SNX25: variants seen among roughly 807,000 people sequenced by gnomAD.
The protein encoded by SNX25 is sorting nexin-25.
A neutral mutation model predicts 113.7 loss-of-function variants in SNX25; 62 were observed. That is an observed-to-expected ratio of 0.55 (90% confidence interval 0.44 to 0.67). The LOEUF (loss-of-function observed/expected upper bound fraction) is 0.67, where lower values mean the gene tolerates loss of function less well. SNX25 is among the 30% of genes least tolerant of loss of function. SNX25 has a pLI of 0.00. For missense variants in SNX25, 1,014 were observed against 1,161.0 expected (o/e 0.87, Z 1.84); for synonymous variants, 421 against 436.2 (o/e 0.97, Z 0.43).
rs766280630 is a variant in SNX25, at chr4:185,351,616, C to T, written c.2466+7C>T. On this transcript the variant is annotated splice_region_variant and intron_variant, in intron 14 of 18. Transcript: ENST00000652585. ...CTTCTTCTCCCACCAGGAGGTGAGCCGTTGAAAGAGTGAACCACTTTTGTA... is the reference window on the plus strand; with the variant it reads ...CTTCTTCTCCCACCAGGAGGTGAGCTGTTGAAAGAGTGAACCACTTTTGTA... The T allele has an allele frequency of 5.0e-6, 8 of 1,613,016 alleles. No homozygotes were observed. The highest frequency in any genetic ancestry group is 3.3e-5 in the South Asian group (3 of 90,962).
intron 1 of SNX25, among the ~76,000 whole-genome samples, chr4:185,243,583 C>T (rs1744393812): frequency 6.6e-6 from 1 of 152,142 alleles, no homozygotes; most frequent in East Asian, 1.9e-4. Flanking sequence ...GCCTGGGTGG[C>T]ACAGTGAGAC....
chr4:185,233,764 T>A (rs1249592505), intron 1 of SNX25, among the ~76,000 whole-genome samples: 1 of 152,242 alleles, frequency 6.6e-6, no homozygotes, highest in Non-Finnish European at 1.5e-5. Flanking sequence ...TTTGTAAAGA[T>A]CTTCAGATTT....
At chr4:185,295,164 G>A (rs1358840314) in intron 6 of SNX25, among the ~76,000 whole-genome samples, 1 of 152,056 alleles carries the variant, frequency 6.6e-6, no homozygotes, top group East Asian at 1.9e-4. Context: ...GTTGTTTTTG[G>A]AGATCTTTGC....
rs1488954114 is a variant in SNX25, at chr4:185,210,827, A to G, written c.429+572A>G. ...GTCCCCGCTGGCTTCTGTGATTTGG[A>G]AGGGGGATGCCAGAAATCACTGGTT... On this transcript the variant is annotated intron_variant, in intron 1 of 18. Coordinates refer to ENST00000652585, the MANE Select transcript of SNX25 (RefSeq NM_001378034.2). The surrounding 1 kb of genome is among the most constrained non-coding windows in gnomAD (Gnocchi z 4.4). Among the ~76,000 whole-genome samples, 1 of 151,884 alleles carries G rather than the reference A, an allele frequency of 6.6e-6. No individual in the cohort carries two copies. The highest frequency in any genetic ancestry group is 2.4e-5 in the African/African-American group (1 of 41,326).
downstream of SNX25, chr4:185,367,382 T>G (rs1020210056): frequency 4.4e-6 from 3 of 686,414 alleles, no homozygotes; most frequent in Non-Finnish European, 7.2e-6. Flanking sequence ...TTAAGATACT[T>G]TCTATTCTGA....
chr4:185,321,321 G>A (rs1406849477), intron 8 of SNX25, among the ~76,000 whole-genome samples: 1 of 147,896 alleles, frequency 6.8e-6, no homozygotes, highest in Non-Finnish European at 1.5e-5. Context: ...GGAGTGCAGT[G>A]GGGCGATCTC....
At chr4:185,220,680 C>T (rs1442353859) in intron 1 of SNX25, among the ~76,000 whole-genome samples, 1 of 151,940 alleles carries the variant, frequency 6.6e-6, no homozygotes, top group East Asian at 1.9e-4. Flanking sequence ...CGGGGTTTCA[C>T]CATGTTAGCC....
At chr4:185,289,684 C>T (rs1751877409) in intron 6 of SNX25, among the ~76,000 whole-genome samples, 1 of 152,132 alleles carries the variant, frequency 6.6e-6, no homozygotes. Flanking sequence ...TGTTCCTCTC[C>T]TTTTTATCAC....
intron 6 of SNX25, among the ~76,000 whole-genome samples, chr4:185,305,338 G>A (rs1486385871): frequency 6.6e-6 from 1 of 152,184 alleles, no homozygotes; most frequent in African/African-American, 2.4e-5. Flanking sequence ...TGCTGAGGAT[G>A]CTGCCATTAT....
At chr4:185,304,206 C>T (rs372832942) in intron 6 of SNX25, among the ~76,000 whole-genome samples, 3 of 152,178 alleles carry the variant, frequency 2.0e-5, no homozygotes, top group South Asian at 4.1e-4. Context: ...AACATAGAGA[C>T]GTGATCATAG....
Position 185,363,697 on chromosome 4 carries a change from A to G in SNX25, c.*232A>G. ...TAATATGAATACTTTAAAGATCAACATACCGATTGAAATACAAATGTTAAT... is the reference window on the plus strand; with the variant it reads ...TAATATGAATACTTTAAAGATCAACGTACCGATTGAAATACAAATGTTAAT... On this transcript the variant is annotated 3_prime_UTR_variant, in exon 19 of 19. Coordinates refer to ENST00000652585, the MANE Select transcript of SNX25 (RefSeq NM_001378034.2). The surrounding 1 kb of genome is among the most constrained non-coding windows in gnomAD (Gnocchi z 4.2). 2.7e-6 allele frequency: 1 copy of G among 376,636 alleles called. No individual in the cohort carries two copies. The highest frequency in any genetic ancestry group is 5.8e-5 in the South Asian group (1 of 17,240). The allele number at this position is 376,636 out of a possible 1,614,324, so 23.3% of individuals were successfully genotyped here. A position where few individuals can be genotyped will look rare whatever the true frequency, so the allele number is the denominator to read the frequency against.
chr4:185,285,518 T>C (rs1751221119), intron 5 of SNX25, among the ~76,000 whole-genome samples: 1 of 152,234 alleles, frequency 6.6e-6, no homozygotes, highest in Non-Finnish European at 1.5e-5. Flanking sequence ...AACTGTTACC[T>C]TATGATAAAT....
chr4:185,302,638 T>C (rs188075347), intron 6 of SNX25, among the ~76,000 whole-genome samples: 36 of 152,348 alleles, frequency 2.4e-4, no homozygotes, highest in Non-Finnish European at 4.6e-4. Flanking sequence ...CCTTCTGCCA[T>C]GTGAGGATGT....
chr4:185,312,183 A>G (rs1024565272), intron 7 of SNX25, among the ~76,000 whole-genome samples: 6 of 152,156 alleles, frequency 3.9e-5, no homozygotes, highest in Admixed American at 1.3e-4. Flanking sequence ...TTCAACAGAC[A>G]TTTATTGAGG....
intron 1 of SNX25, among the ~76,000 whole-genome samples, chr4:185,240,135 G>C (rs1193837313): frequency 2.6e-5 from 4 of 151,886 alleles, no homozygotes; most frequent in African/African-American, 7.3e-5. Flanking sequence ...TCTTAGTACA[G>C]AACAAAATGA....
chr4:185,351,375 C>G (rs2095313924), intron 13 of SNX25, 70 bp from the exon 14 acceptor site: 7 of 1,529,064 alleles, frequency 4.6e-6, no homozygotes, highest in African/African-American at 1.4e-5. Flanking sequence ...CCTCGCTCAC[C>G]TTTACTTGTA....
At chr4:185,366,136 A>C (rs1009073184), downstream of SNX25, 1 of 152,222 alleles carries the variant, frequency 6.6e-6, no homozygotes, top group African/African-American at 2.4e-5. Context: ...CGATATGTAT[A>C]TTTGTTTCAC....
chr4:185,304,618 A>G (rs1438218435), intron 6 of SNX25, among the ~76,000 whole-genome samples: 1 of 152,078 alleles, frequency 6.6e-6, no homozygotes, highest in Non-Finnish European at 1.5e-5. Flanking sequence ...CAGCCTCCCA[A>G]AGTGCTGGAA....
At chr4:185,340,646 T>G (rs772679942) in intron 11 of SNX25, among the ~76,000 whole-genome samples, 2 of 152,132 alleles carry the variant, frequency 1.3e-5, no homozygotes, top group Non-Finnish European at 2.9e-5. Flanking sequence ...GAGGACAGAA[T>G]ACAAATTCTG....
Sources: allele counts gnomAD v4.1 joint callset (sites outside exome capture counted in the v4.1 genomes callset), GRCh38; gene constraint gnomAD v4.1.1; non-coding constraint Gnocchi (gnomAD v3.1); transcripts MANE v1.5; gene names NCBI Gene and HGNC (gene_info 2026-07-23, HGNC 2026-07-21).